Variants in GNPDA2 observed in about 807,000 individuals in gnomAD.
The protein encoded by GNPDA2 is glucosamine-6-phosphate deaminase 2, also known as glcN6P deaminase 2.
Under a neutral mutation model 27.0 loss-of-function variants are expected in GNPDA2, and 24 were observed. The ratio of observed to expected loss-of-function variants is 0.89; its 90% CI spans 0.64 to 1.25. GNPDA2 has a LOEUF of 1.25. GNPDA2 is among the 50% of genes most tolerant of loss of function. GNPDA2 has a pLI of 0.00. For synonymous variants in GNPDA2, 94 were observed against 108.4 expected (o/e 0.87, Z 0.83); for missense variants, 286 against 335.1 (o/e 0.85, Z 1.14).
chr4:44,723,079 T>C (rs1007464932), intron 1 of GNPDA2, among the ~76,000 whole-genome samples: 3 of 152,140 alleles, frequency 2.0e-5, no homozygotes, highest in African/African-American at 2.4e-5. Flanking sequence ...CAAAAATTAT[T>C]CTAAAATTAA....
chr4:44,719,715 A>G (rs960022716), intron 2 of GNPDA2, among the ~76,000 whole-genome samples: 1 of 151,956 alleles, frequency 6.6e-6, no homozygotes, highest in Admixed American at 6.6e-5. Flanking sequence ...TATGAATAAA[A>G]AGGTGAGCTG....
chr4:44,718,405 T>C lies in GNPDA2; in HGVS notation c.130A>G (p.Thr44Ala). 8.1e-7 allele frequency: 1 copy of C among 1,239,920 alleles called. No individual in the cohort carries two copies. The highest frequency in any genetic ancestry group is 1.1e-6 in the Non-Finnish European group (1 of 893,292). 76.8% of individuals were successfully genotyped at this position (1,239,920 alleles called of 1,614,324 possible). A position where few individuals can be genotyped will look rare whatever the true frequency, so the allele number is the denominator to read the frequency against. The change falls in exon 3 of 7, where the codon ACA (threonine) becomes GCA (alanine). Residue 44 changes from threonine to alanine, a missense_variant. By Grantham distance (58) the Thr-to-Ala change is moderately conservative. Coordinates refer to ENST00000295448, the MANE Select transcript of GNPDA2 (RefSeq NM_138335.3). ...YFTLGLPTGS[T>A]PLGCYKKLIE... ...AGTTTTTTATAGCATCCTAAAGGTG[T>C]ACTCCCTAAAAGACATAAAAATTCC...
At chr4:44,719,984 AAAAG>A (rs1189670657) in intron 2 of GNPDA2, among the ~76,000 whole-genome samples, 1 of 152,110 alleles carries the variant, frequency 6.6e-6, no homozygotes, top group Non-Finnish European at 1.5e-5. Flanking sequence ...TAAATAATCT[AAAAG>A]AAGTCTGAGT....
chr4:44,726,028 C>G (rs1453160497), intron 1 of GNPDA2, among the ~76,000 whole-genome samples: 1 of 152,116 alleles, frequency 6.6e-6, no homozygotes, highest in Non-Finnish European at 1.5e-5. Context: ...GTAAGGGTGG[C>G]CTGGCCGCGC....
chr4:44,713,124 T>C (rs1480867976), intron 4 of GNPDA2, among the ~76,000 whole-genome samples: 2 of 152,210 alleles, frequency 1.3e-5, no homozygotes, highest in Admixed American at 1.3e-4. Context: ...CAGCTCGGTA[T>C]AGTTTATTCC....
chr4:44,708,053 A>G (rs1017803442), intron 5 of GNPDA2, 127 bp from the exon 6 acceptor site: 13 of 568,866 alleles, frequency 2.3e-5, no homozygotes, highest in Non-Finnish European at 3.0e-5. Flanking sequence ...AGCTCCACAT[A>G]ATAGTTCAAG....
At chr4:44,720,882 C>G (rs1314129065) in intron 2 of GNPDA2, among the ~76,000 whole-genome samples, 1 of 151,912 alleles carries the variant, frequency 6.6e-6, no homozygotes, top group Non-Finnish European at 1.5e-5. Context: ...TCTTTCTGTC[C>G]CCACTCAAAT....
intron 6 of GNPDA2, chr4:44,704,532 A>T: frequency 1.4e-6 from 1 of 701,424 alleles, no homozygotes; most frequent in Non-Finnish European, 1.8e-6. Flanking sequence ...ATCAAATAGG[A>T]CTGCTTCCAA....
chr4:44,705,036 A>G (rs66691259), intron 6 of GNPDA2: 149,799 of 980,370 alleles, frequency 0.15, 13,173 homozygotes, highest in East Asian at 0.39. Flanking sequence ...ATTGAAATAA[A>G]CTTGCATTTA....
chr4:44,710,944 A>C lies in GNPDA2; in HGVS notation c.594+9T>G, dbSNP rs1365808381. On this transcript the variant is annotated intron_variant, in intron 5 of 6. Transcript: ENST00000295448. Reference sequence around the variant, plus strand: ...AAAAGAAAGACAGCAAAGAATATTTAATGCTTACTTCTCTAGCATCCATCA... The same window carrying C: ...AAAAGAAAGACAGCAAAGAATATTTCATGCTTACTTCTCTAGCATCCATCA... The C allele has an allele frequency of 1.3e-6, 2 of 1,563,056 alleles. No individual in the cohort carries two copies. The highest frequency in any genetic ancestry group is 1.7e-6 in the Non-Finnish European group (2 of 1,157,764).
At chr4:44,722,862 A>G (rs1391058359) in intron 1 of GNPDA2, among the ~76,000 whole-genome samples, 5 of 152,208 alleles carry the variant, frequency 3.3e-5, no homozygotes, top group Admixed American at 3.3e-4. Context: ...GCCCAGTTAT[A>G]GATGAGGAAA....
Position 44,719,763 on chromosome 4 carries a change from A to T in GNPDA2, c.125-1353T>A, listed in dbSNP as rs563064688. Among the ~76,000 whole-genome samples the T allele has an allele frequency of 9.2e-5, 14 of 152,042 alleles. No individual in the cohort carries two copies. The South Asian group carries it at 1.5e-3, about 16-fold the overall frequency. Reference sequence around the variant, plus strand: ...TGACAAATTCATTTTCTATTTTGTAATCAATGTGGCCAAAAAAAAAGACTG... The same window carrying T: ...TGACAAATTCATTTTCTATTTTGTATTCAATGTGGCCAAAAAAAAAGACTG... On this transcript the variant is annotated intron_variant, in intron 2 of 6. Transcript: ENST00000295448.
intron 1 of GNPDA2, among the ~76,000 whole-genome samples, chr4:44,723,402 C>A (rs908111182): frequency 6.6e-6 from 1 of 152,152 alleles, no homozygotes; most frequent in Non-Finnish European, 1.5e-5. Flanking sequence ...CCCACTCCTA[C>A]TCCCCAACCC....
chr4:44,701,971 T>C lies in GNPDA2; in HGVS notation c.*1110A>G. The stretch of plus-strand genomic sequence containing the variant: ...AGGCTTCTTCTACCAGGTGGGCTTA[T>C]GAAATGCAAAATAAGCAAAAGGAGC... On this transcript the variant is annotated 3_prime_UTR_variant, in exon 7 of 7. Transcript: ENST00000295448. 2.0e-6 allele frequency: 2 copies of C among 985,232 alleles called. No individual in the cohort carries two copies. The highest frequency in any genetic ancestry group is 2.4e-6 in the Non-Finnish European group (2 of 829,764). 61.0% of individuals were successfully genotyped at this position (985,232 alleles called of 1,614,324 possible).
chr4:44,710,764 C>T (rs975479302), intron 5 of GNPDA2, among the ~76,000 whole-genome samples, 189 bp downstream of exon 5: 1 of 152,126 alleles, frequency 6.6e-6, no homozygotes, highest in Admixed American at 6.6e-5. Context: ...TAGTTTACAG[C>T]TCCAAAAGAC....
chr4:44,704,619 A>G, intron 6 of GNPDA2: 1 of 815,528 alleles, frequency 1.2e-6, no homozygotes, highest in Non-Finnish European at 1.5e-6. Context: ...GACTTTAGGT[A>G]AAAACTGACA....
At chr4:44,725,865 C>T (rs373336943) in intron 1 of GNPDA2, among the ~76,000 whole-genome samples, 1 of 152,284 alleles carries the variant, frequency 6.6e-6, no homozygotes, top group African/African-American at 2.4e-5. Context: ...AAAAGGGCTG[C>T]TGAATATAAA....
At chr4:44,714,050 C>A (rs1717135097) in intron 4 of GNPDA2, among the ~76,000 whole-genome samples, 1 of 152,156 alleles carries the variant, frequency 6.6e-6, no homozygotes, top group African/African-American at 2.4e-5. Context: ...CAGCTCACCA[C>A]AACCTCGGCC....
intron 6 of GNPDA2, chr4:44,706,132 T>C (rs1560356661): frequency 6.6e-6 from 1 of 151,898 alleles, no homozygotes; most frequent in Non-Finnish European, 1.5e-5. Flanking sequence ...TCAAGGAATC[T>C]ATTATTTGGG....
Sources: allele counts gnomAD v4.1 joint callset (sites outside exome capture counted in the v4.1 genomes callset), GRCh38; gene constraint gnomAD v4.1.1; transcripts MANE v1.5; gene names NCBI Gene and HGNC (gene_info 2026-07-23, HGNC 2026-07-21).